SLCO5A1: variants seen among roughly 807,000 people sequenced by gnomAD.
SLCO5A1 encodes the protein solute carrier organic anion transporter family member 5A1, also known as organic anion transporter polypeptide-related protein 4.
SLCO5A1 carries 39 observed loss-of-function variants against 65.1 expected under a neutral mutation model. The observed-to-expected ratio is 0.60, with a 90% confidence interval of 0.46 to 0.78. The LOEUF (loss-of-function observed/expected upper bound fraction) is 0.78. SLCO5A1 is among the 30% of genes least tolerant of loss of function. SLCO5A1 has a pLI of 0.00. For missense variants in SLCO5A1, 1,029 were observed against 1,069.4 expected, an observed-to-expected ratio of 0.96 and a Z score of 0.53; for synonymous variants, 438 against 415.7, an observed-to-expected ratio of 1.05 and a Z score of -0.65.
Position 69,680,022 on chromosome 8 carries a change from C to A in SLCO5A1, c.1783-403G>T, listed in dbSNP as rs77064038. Among the ~76,000 whole-genome samples, 886 of 152,318 alleles carry A rather than the reference C, an allele frequency of 5.8e-3. 16 individuals carry two copies. Among genetic ancestry groups the A allele is most frequent in the African/African-American group, 0.02 (839 of 41,564 alleles). ...ACAGAGCACCTAGCACAACTCTGGG[C>A]ACACAGTGGGCCCTAAAGTAAACAT... On this transcript the variant is annotated intron_variant, in intron 7 of 9. Coordinates refer to ENST00000260126, the MANE Select transcript of SLCO5A1 (RefSeq NM_030958.3).
intron 6 of SLCO5A1, among the ~76,000 whole-genome samples, chr8:69,693,553 G>A (rs541599521): frequency 7.0e-4 from 107 of 152,182 alleles, no homozygotes; most frequent in African/African-American, 2.5e-3. Context: ...ATAATCAAAA[G>A]TATTGCAGCA....
intron 3 of SLCO5A1, among the ~76,000 whole-genome samples, chr8:69,760,111 TC>T (rs951855479): frequency 1.3e-5 from 2 of 152,200 alleles, no homozygotes; most frequent in Non-Finnish European, 2.9e-5. Flanking sequence ...CACTGTGCCC[TC>T]CTTAAGGACC....
Position 69,672,131 on chromosome 8 carries a change from GCTATCAGATTTA to G in SLCO5A1, c.*726_*737del. ...AAAGAATACTGGAGTTTATATTTAA[GCTATCAGATTTA>G]TGATTCAGCAGCCTCTTTATCTTAG... On this transcript the variant is annotated 3_prime_UTR_variant, in exon 10 of 10. Transcript: ENST00000260126. 1.3e-5 allele frequency: 2 copies of G among 152,224 alleles called. No individual in the cohort carries two copies. Among genetic ancestry groups the G allele is most frequent in the Non-Finnish European group, 2.9e-5 (2 of 68,062 alleles). The allele number at this position is 152,224 out of a possible 1,614,324, so 9.4% of individuals were successfully genotyped here. A position where few individuals can be genotyped will look rare whatever the true frequency, so the allele number is the denominator to read the frequency against.
Position 69,831,923 on chromosome 8 carries a change from A to G in SLCO5A1, c.751T>C (p.Cys251Arg). Residue 251 changes from cysteine (C) to arginine (R), a missense_variant, in exon 2 of 10, where the codon TGT (cysteine) becomes CGT (arginine). Physicochemically the swap from Cys to Arg is radical, Grantham distance 180 (BLOSUM62 -3). Transcript: ENST00000260126. ...TTATTTCCTCCCGAGTCCTTCGGAC[A>G]GGCCGGAGGCTCCAAAGTGGCGGTG... ...NSTATLEPPA[C>R]PKDSGGNNHW... is the part of the protein sequence containing the mutation. 3.1e-6 allele frequency: 5 copies of G among 1,600,578 alleles called. No individual in the cohort carries two copies. The highest frequency in any genetic ancestry group is 4.3e-6 in the Non-Finnish European group (5 of 1,175,230).
At chr8:69,797,101 T>A (rs1052807858) in intron 2 of SLCO5A1, among the ~76,000 whole-genome samples, 2 of 152,222 alleles carry the variant, frequency 1.3e-5, no homozygotes, top group African/African-American at 4.8e-5. Context: ...GCTGAAGCCA[T>A]GGCAGAAGAA....
chr8:69,800,245 A>ATTTTTTTTTT (rs749384852), intron 2 of SLCO5A1, among the ~76,000 whole-genome samples: 1 of 81,300 alleles, frequency 1.2e-5, no homozygotes, highest in East Asian at 3.9e-4. Flanking sequence ...AGACGCTTGA[A>ATTTTTTTTTT]TTTTTTTTTT....
intron 5 of SLCO5A1, among the ~76,000 whole-genome samples, chr8:69,720,336 G>C (rs557834776): frequency 6.6e-6 from 1 of 152,212 alleles, no homozygotes; most frequent in Non-Finnish European, 1.5e-5. Context: ...CTTTAATGGC[G>C]TGATGGTTCC....
At chr8:69,690,992 T>A (rs962853990) in intron 6 of SLCO5A1, among the ~76,000 whole-genome samples, 3 of 152,178 alleles carry the variant, frequency 2.0e-5, no homozygotes, top group Admixed American at 6.5e-5. Flanking sequence ...TATACAGACA[T>A]CAGACTTAAC....
At chr8:69,754,418 G>GTAACTTTA (rs2130858054) in intron 4 of SLCO5A1, among the ~76,000 whole-genome samples, 1 of 152,326 alleles carries the variant, frequency 6.6e-6, no homozygotes, top group African/African-American at 2.4e-5. Context: ...TAACATATGA[G>GTAACTTTA]TAACTTTATT....
chr8:69,806,190 A>AACATTAC (rs1312354717), intron 2 of SLCO5A1, among the ~76,000 whole-genome samples: 2 of 152,234 alleles, frequency 1.3e-5, no homozygotes, highest in East Asian at 1.9e-4. Context: ...ATCGTGAACT[A>AACATTAC]ACATTACACA....
intron 2 of SLCO5A1, among the ~76,000 whole-genome samples, chr8:69,768,427 C>T (rs982516443): frequency 1.3e-5 from 2 of 152,180 alleles, no homozygotes; most frequent in African/African-American, 4.8e-5. Flanking sequence ...TAGTCACAGA[C>T]TTAGACTTAT....
chr8:69,801,697 C>T (rs964124801), intron 2 of SLCO5A1, among the ~76,000 whole-genome samples: 1 of 152,142 alleles, frequency 6.6e-6, no homozygotes, highest in African/African-American at 2.4e-5. Context: ...TATTTATGTG[C>T]ATCTCCCAGT....
At chr8:69,726,359 G>T (rs1816074259) in intron 5 of SLCO5A1, among the ~76,000 whole-genome samples, 1 of 152,110 alleles carries the variant, frequency 6.6e-6, no homozygotes, top group Non-Finnish European at 1.5e-5. Flanking sequence ...CACCGATTCA[G>T]CTGATACACG....
intron 2 of SLCO5A1, among the ~76,000 whole-genome samples, chr8:69,817,615 C>T (rs898428842): frequency 6.6e-6 from 1 of 152,128 alleles, no homozygotes; most frequent in Admixed American, 6.5e-5. Flanking sequence ...GCTTCCTTGC[C>T]TGCCAAATTA....
chr8:69,676,686 G>A lies in SLCO5A1; in HGVS notation c.2025-13C>T. 6.2e-7 allele frequency: 1 copy of A among 1,605,374 alleles called. No homozygotes were observed. The highest frequency in any genetic ancestry group is 8.5e-7 in the Non-Finnish European group (1 of 1,175,322). ...ATCTTCTACGGACCTACAGTGAAGG[G>A]AAAGAAGGAAATGCATTTTAAATAG... On this transcript the variant is annotated splice_polypyrimidine_tract_variant and intron_variant, in intron 8 of 9. Transcript: ENST00000260126.
chr8:69,814,214 T>A (rs146346624), intron 2 of SLCO5A1, among the ~76,000 whole-genome samples: 3 of 152,192 alleles, frequency 2.0e-5, no homozygotes, highest in Non-Finnish European at 2.9e-5. Context: ...AATAAAAAGC[T>A]TCTGCACAGC....
At chr8:69,749,834 A>G (rs1420682296) in intron 4 of SLCO5A1, among the ~76,000 whole-genome samples, 4 of 152,036 alleles carry the variant, frequency 2.6e-5, no homozygotes, top group South Asian at 2.1e-4. Flanking sequence ...TGAGTGAGTG[A>G]TGGGTGCTAA....
chr8:69,681,115 A>G (rs1268300972), intron 7 of SLCO5A1, among the ~76,000 whole-genome samples: 1 of 152,246 alleles, frequency 6.6e-6, no homozygotes, highest in Non-Finnish European at 1.5e-5. Context: ...GGAACAAACA[A>G]CAGGAATTCT....
chr8:69,668,038 C>A lies in SLCO5A1; in HGVS notation c.*4831G>T, dbSNP rs1813231800. On this transcript the variant is annotated 3_prime_UTR_variant, in exon 10 of 10. Transcript: ENST00000260126. ...ATGCGTCATTAAATACTTTTTAGCACCAAGGCATTTTTTTTAATGTTGCAA... is the reference window on the plus strand; with the variant it reads ...ATGCGTCATTAAATACTTTTTAGCAACAAGGCATTTTTTTTAATGTTGCAA... 1 of 152,178 alleles carries A rather than the reference C, an allele frequency of 6.6e-6. No homozygotes were observed. Among genetic ancestry groups the A allele is most frequent in the South Asian group, 2.1e-4 (1 of 4,834 alleles). The allele number at this position is 152,178 out of a possible 1,614,324, so 9.4% of individuals were successfully genotyped here.
Sources: gnomAD v4.1 joint callset for allele counts (sites outside exome capture counted in the v4.1 genomes callset) on GRCh38, gnomAD v4.1.1 for gene constraint, MANE v1.5 for transcripts, NCBI Gene and HGNC (gene_info 2026-07-23, HGNC 2026-07-21) for gene names.